The following GBX2 variants were observed in gnomAD, a reference collection of about 807,000 sequenced individuals.
The protein encoded by GBX2 is homeobox protein GBX-2.
GBX2 carries 5 observed loss-of-function variants against 22.4 expected under a neutral mutation model. That is an observed-to-expected ratio of 0.22 (90% confidence interval 0.12 to 0.47). GBX2 has a LOEUF of 0.47. Among genes scored for constraint, GBX2 ranks in the 20% least tolerant of loss-of-function variants. The pLI is 0.99. For missense variants in GBX2, 470 were observed against 495.4 expected (o/e 0.95, Z 0.49); for synonymous variants, 220 against 230.5 (o/e 0.95, Z 0.41).
chr2:236,165,011 G>A (rs2060230255), downstream of GBX2, among the ~76,000 whole-genome samples: 1 of 152,190 alleles, frequency 6.6e-6, no homozygotes. Context: ...GGGGGAGATA[G>A]ATTTCTAAGG....
At position 236,168,070 on chromosome 2, in the gene GBX2, G is replaced by A; in HGVS notation, c.-99C>T. 1 of 1,272,108 alleles carries A rather than the reference G, an allele frequency of 7.9e-7. No homozygotes were observed. The highest frequency in any genetic ancestry group is 1.0e-6 in the Non-Finnish European group (1 of 997,332). 78.8% of individuals were successfully genotyped at this position (1,272,108 alleles called of 1,614,324 possible). On this transcript the variant is annotated 5_prime_UTR_variant, in exon 1 of 2. Transcript: ENST00000306318. Reference sequence around the variant, plus strand: ...GCCGGGAGCACCGCCGGGAGCGCCGGGCAGGGGCCGAGCGGGACCCGGAGA... The same window carrying A: ...GCCGGGAGCACCGCCGGGAGCGCCGAGCAGGGGCCGAGCGGGACCCGGAGA...
rs1335094358 is a variant in GBX2, at chr2:236,165,747, CA to C, written c.*166del. On this transcript the variant is annotated 3_prime_UTR_variant, in exon 2 of 2. Transcript: ENST00000306318. ...CTTCTGGTGTGGCTGTAAGCCCCTT[CA>C]AAAGCAGTCTTTTAAGCCCATTTAG... 1.6e-6 allele frequency: 1 copy of C among 609,568 alleles called. No individual in the cohort carries two copies. Among genetic ancestry groups the C allele is most frequent in the Non-Finnish European group, 2.9e-6 (1 of 345,562 alleles). 37.8% of individuals were successfully genotyped at this position (609,568 alleles called of 1,614,324 possible). A position where few individuals can be genotyped will look rare whatever the true frequency, so the allele number is the denominator to read the frequency against.
downstream of GBX2, among the ~76,000 whole-genome samples, chr2:236,164,770 C>A (rs60861832): frequency 6.6e-6 from 1 of 152,036 alleles, no homozygotes; most frequent in East Asian, 2.0e-4. Flanking sequence ...AGATAACGCC[C>A]GGAGCCTGAT....
rs1350343531 is a variant in GBX2, at chr2:236,168,089, C to T, written c.-118G>A. 2.6e-6 allele frequency: 3 copies of T among 1,146,862 alleles called. No homozygotes were observed. Among genetic ancestry groups the T allele is most frequent in the African/African-American group, 3.3e-5 (2 of 60,998 alleles). The allele number at this position is 1,146,862 out of a possible 1,614,324, so 71.0% of individuals were successfully genotyped here. A position where few individuals can be genotyped will look rare whatever the true frequency, so the allele number is the denominator to read the frequency against. On this transcript the variant is annotated 5_prime_UTR_variant, in exon 1 of 2. Transcript: ENST00000306318. ...GCGCCGGGCAGGGGCCGAGCGGGACCCGGAGAGCAGACGCCTCCGCCCCTC... is the reference window on the plus strand; with the variant it reads ...GCGCCGGGCAGGGGCCGAGCGGGACTCGGAGAGCAGACGCCTCCGCCCCTC...
rs765764887 is a variant in GBX2 at position 236,167,558 on chromosome 2, G to T, written c.414C>A (p.Phe138Leu). Reference protein sequence around the residue: ...APQPLPGGGNFDKAEALQADA... With the variant: ...APQPLPGGGNLDKAEALQADA... ...CAGCCTGCAGCGCCTCCGCCTTGTC[G>T]AAGTTACCGCCGCCGGGCAGCGGCT... Residue 138 changes from phenylalanine (F) to leucine (L), a missense_variant, in exon 1 of 2, where the codon TTC (phenylalanine) becomes TTA (leucine). This residue lies in a region of GBX2 where 377 missense variants were observed against 358.6 expected (regional missense o/e 1.05). Transcript: ENST00000306318. 1 of 1,598,846 alleles carries T rather than the reference G, an allele frequency of 6.3e-7. No individual in the cohort carries two copies. Among genetic ancestry groups the T allele is most frequent in the South Asian group, 1.1e-5 (1 of 89,710 alleles).
downstream of GBX2, among the ~76,000 whole-genome samples, chr2:236,163,867 C>A (rs556498686): frequency 2.6e-5 from 4 of 152,252 alleles, no homozygotes; most frequent in South Asian, 4.1e-4. Flanking sequence ...AGGGCGCGAC[C>A]CGGGCGCCAT....
rs200332557 is a variant in GBX2, at chr2:236,167,573, G to T, written c.399C>A (p.Pro133=). The part of the protein sequence containing the change: ...AARKFAPQPL[P]GGGNFDKAEA... ...CCGCCTTGTCGAAGTTACCGCCGCC[G>T]GGCAGCGGCTGCGGCGCGAACTTGC... The change falls in exon 1 of 2, where the codon CCC becomes CCA. Residue 133 remains proline (P), a synonymous_variant. Coordinates refer to ENST00000306318, the MANE Select transcript of GBX2 (RefSeq NM_001485.4). 1.9e-6 allele frequency: 3 copies of T among 1,597,796 alleles called. No individual in the cohort carries two copies. Among genetic ancestry groups the T allele is most frequent in the Middle Eastern group, 1.7e-4 (1 of 5,860 alleles).
chr2:236,167,911 C>T lies in GBX2; in HGVS notation c.61G>A (p.Ala21Thr), dbSNP rs1404370210. 2.6e-6 allele frequency: 4 copies of T among 1,561,000 alleles called. No individual in the cohort carries two copies. The highest frequency in any genetic ancestry group is 1.4e-5 in the African/African-American group (1 of 70,340). Reference protein sequence around the residue: ...MMQRPLGSSTAFSIDSLIGSP... With the variant: ...MMQRPLGSSTTFSIDSLIGSP... ...CCGATCAGCGAGTCTATGCTGAAGG[C>T]GGTGCTACTCCCCAGCGGGCGCTGC... is the stretch of plus-strand genomic sequence containing the variant. The change falls in exon 1 of 2, where the codon GCC becomes ACC. Residue 21 changes from alanine to threonine, a missense_variant. Around this residue, in one of 4 missense-constraint regions of GBX2, gnomAD observed 377 missense variants for 358.6 expected, o/e 1.05. Transcript: ENST00000306318.
In GBX2 at chr2:236,167,389, G is replaced by A. The variant is rs372371196; in HGVS notation, c.523+60C>T. On this transcript the variant is annotated intron_variant, in intron 1 of 1. Transcript: ENST00000306318. ...CCTTGGTCTCCCGCGGGAACCCGGCGCTGGCCCGCCCCCGCCTCCTCCCGC... is the reference window on the plus strand; with the variant it reads ...CCTTGGTCTCCCGCGGGAACCCGGCACTGGCCCGCCCCCGCCTCCTCCCGC... 47 of 1,413,506 alleles carry A rather than the reference G, an allele frequency of 3.3e-5. No individual in the cohort carries two copies. In the Middle Eastern group the frequency reaches 1.0e-3, roughly 31 times the overall value. 87.6% of individuals were successfully genotyped at this position (1,413,506 alleles called of 1,614,324 possible).
Position 236,167,848 on chromosome 2 carries a change from T to C in GBX2, c.124A>G (p.Thr42Ala). The C allele has an allele frequency of 3.3e-6, 5 of 1,518,342 alleles. No homozygotes were observed. Among genetic ancestry groups the C allele is most frequent in the African/African-American group, 1.4e-5 (1 of 69,230 alleles). The allele number at this position is 1,518,342 out of a possible 1,614,324, so 94.1% of individuals were successfully genotyped here. Reference protein sequence around the residue: ...PQPSPGHFVYTGYPMFMPYRP... With the variant: ...PQPSPGHFVYAGYPMFMPYRP... The stretch of plus-strand genomic sequence containing the variant: ...TAGGGCATGAACATGGGGTAGCCGG[T>C]GTAGACGAAATGGCCGGGGCTGGGC... The change falls in exon 1 of 2, where the codon ACC (threonine) becomes GCC (alanine). Residue 42 changes from threonine to alanine, a missense_variant. Physicochemically the swap from Thr to Ala is moderately conservative, Grantham distance 58. Coordinates refer to ENST00000306318, the MANE Select transcript of GBX2 (RefSeq NM_001485.4).
Position 236,165,893 on chromosome 2 carries a change from G to A in GBX2, c.*21C>T. ...CGGGGGCTTCTCCAGGTGGGTGCCA[G>A]GCCCTGGCCCTTCTGGACCCTCAGG... On this transcript the variant is annotated 3_prime_UTR_variant, in exon 2 of 2. Transcript: ENST00000306318. The A allele has an allele frequency of 2.5e-6, 4 of 1,580,038 alleles. No individual in the cohort carries two copies. The highest frequency in any genetic ancestry group is 3.4e-6 in the Non-Finnish European group (4 of 1,163,916).
At chr2:236,161,997 G>T (rs1374941809), downstream of GBX2, among the ~76,000 whole-genome samples, 1 of 152,252 alleles carries the variant, frequency 6.6e-6, no homozygotes, top group Non-Finnish European at 1.5e-5. Context: ...GCATAACATG[G>T]GACTCTGTTC....
chr2:236,164,509 A>G (rs984154838), downstream of GBX2, among the ~76,000 whole-genome samples: 22 of 151,640 alleles, frequency 1.5e-4, no homozygotes, highest in African/African-American at 4.9e-4. Context: ...CCCCACCGAG[A>G]TGGGGAGGCG....
chr2:236,162,269 TG>T (rs1295620708), downstream of GBX2, among the ~76,000 whole-genome samples: 1 of 152,172 alleles, frequency 6.6e-6, no homozygotes, highest in Non-Finnish European at 1.5e-5. Context: ...CAAAAAAGCC[TG>T]GGGGGGCCAC....
chr2:236,167,008 T>TC, intron 1 of GBX2: 1 of 830,420 alleles, frequency 1.2e-6, no homozygotes, highest in African/African-American at 1.7e-5. Flanking sequence ...AGGCACAGCC[T>TC]CCCAGCAGTC....
chr2:236,162,272 G>C (rs1350590855), downstream of GBX2, among the ~76,000 whole-genome samples: 1 of 152,228 alleles, frequency 6.6e-6, no homozygotes, highest in African/African-American at 2.4e-5. Context: ...AAAAGCCTGG[G>C]GGGGCCACTC....
chr2:236,163,655 C>G (rs1013823616), downstream of GBX2, among the ~76,000 whole-genome samples: 4 of 152,260 alleles, frequency 2.6e-5, no homozygotes, highest in South Asian at 6.2e-4. Flanking sequence ...CCAACCTTCC[C>G]GGGTAAACTC....
In GBX2 at chr2:236,166,249, C is replaced by G; in HGVS notation, c.712G>C (p.Ala238Pro). The G allele has an allele frequency of 6.2e-7, 1 of 1,613,532 alleles. No homozygotes were observed. The highest frequency in any genetic ancestry group is 8.5e-7 in the Non-Finnish European group (1 of 1,179,930). ...LEETPPSSGA[A>P]GSTTSTGKNR... ...TTGCCCGTAGACGTGGTGCTGCCCGCGGCGCCGCTGCTCGGCGGGGTCTCC... is the reference window on the plus strand; with the variant it reads ...TTGCCCGTAGACGTGGTGCTGCCCGGGGCGCCGCTGCTCGGCGGGGTCTCC... The change falls in exon 2 of 2, where the codon GCG (alanine) becomes CCG (proline). Residue 238 changes from alanine to proline, a missense_variant. This residue lies in a region of GBX2 where 377 missense variants were observed against 358.6 expected (regional missense o/e 1.05). Coordinates refer to ENST00000306318, the MANE Select transcript of GBX2 (RefSeq NM_001485.4). This position sits in a 1 kb window ranked among gnomAD's most constrained non-coding sequence, Gnocchi z 6.6.
Position 236,166,169 on chromosome 2 carries a change from C to CT in GBX2, c.791dup (p.Glu265GlyfsTer58). ...AGAGGTACTTTTTGCAGTGGAACTCCTTCTCTAGCTCCAGCAGCTGCTCGC... is the reference window on the plus strand; with the variant it reads ...AGAGGTACTTTTTGCAGTGGAACTCCTTTCTCTAGCTCCAGCAGCTGCTCGC... On this transcript the variant is annotated frameshift_variant, in exon 2 of 2. Coordinates refer to ENST00000306318, the MANE Select transcript of GBX2 (RefSeq NM_001485.4). LOFTEE classifies it high-confidence loss of function. This position sits in a 1 kb window ranked among gnomAD's most constrained non-coding sequence, Gnocchi z 6.6. The CT allele has an allele frequency of 6.2e-7, 1 of 1,614,092 alleles. No homozygotes were observed. The highest frequency in any genetic ancestry group is 1.1e-5 in the South Asian group (1 of 91,088).
Sources: allele counts gnomAD v4.1 joint callset (sites outside exome capture counted in the v4.1 genomes callset), GRCh38; gene constraint gnomAD v4.1.1; regional missense constraint gnomAD v4.1.1; non-coding constraint Gnocchi (gnomAD v3.1); transcripts MANE v1.5; gene names NCBI Gene and HGNC (gene_info 2026-07-23, HGNC 2026-07-21).